Variants in YPEL4 observed in about 807,000 individuals in gnomAD.
YPEL4 encodes the protein yippee like 4, also known as protein yippee-like 4.
In YPEL4, 5 loss-of-function variants were observed where a neutral mutation model predicts 16.3. The ratio of observed to expected loss-of-function variants is 0.31; its 90% CI spans 0.16 to 0.64. The LOEUF (loss-of-function observed/expected upper bound fraction) is 0.64, where lower values mean the gene tolerates loss of function less well. Among genes scored for constraint, YPEL4 ranks in the 30% least tolerant of loss-of-function variants. The pLI is 0.79. For synonymous variants in YPEL4, 61 were observed against 60.7 expected (o/e 1.00, Z -0.02); for missense variants, 127 against 170.0 (o/e 0.75, Z 1.41).
At position 57,646,375 on chromosome 11, in the gene YPEL4, C is replaced by T. The variant is rs770165978; in HGVS notation, c.216G>A (p.Gln72=). Residue 72 remains glutamine (Q), a synonymous_variant, in exon 4 of 5, where the codon CAG becomes CAA. Transcript: ENST00000300022. ...VVNVGCGPAE[Q]RLLLTGLHSV... is the part of the protein sequence containing the mutation. ...AGTGGAGCCCCGTGAGCAAGAGGCG[C>T]TGTTCAGCTGGCCCGCAACCCACGT... The T allele has an allele frequency of 1.5e-5, 25 of 1,614,078 alleles. No individual in the cohort carries two copies. In the South Asian group the frequency reaches 2.2e-4, roughly 14 times the overall value.
At chr11:57,648,793 A>T (rs1945759719) in intron 1 of YPEL4, 1 of 152,390 alleles carries the variant, frequency 6.6e-6, no homozygotes, top group Admixed American at 6.5e-5. Context: ...GCTGCAGGAA[A>T]CGGGCCCTCC....
rs773881385 is a variant in YPEL4 at position 57,647,114 on chromosome 11, C to T, written c.-7G>A. Reference sequence around the variant, plus strand: ...CGGGGTCACAGCTGGGCATGACGGGCTGGAGGACAATGCCCTGGTGGGCTG... The same window carrying T: ...CGGGGTCACAGCTGGGCATGACGGGTTGGAGGACAATGCCCTGGTGGGCTG... On this transcript the variant is annotated 5_prime_UTR_variant, in exon 2 of 5. Coordinates refer to ENST00000300022, the MANE Select transcript of YPEL4 (RefSeq NM_145008.3). The surrounding 1 kb of genome is among the most constrained non-coding windows in gnomAD (Gnocchi z 4.2). 11 of 1,563,828 alleles carry T rather than the reference C, an allele frequency of 7.0e-6. No homozygotes were observed. The East Asian group carries it at 2.1e-4, about 29-fold the overall frequency.
At position 57,647,534 on chromosome 11, in the gene YPEL4, G is replaced by A. The variant is rs1378684083; in HGVS notation, c.-184-243C>T. 6.4e-6 allele frequency: 1 copy of A among 156,624 alleles called. No homozygotes were observed. Among genetic ancestry groups the A allele is most frequent in the Non-Finnish European group, 1.4e-5 (1 of 71,314 alleles). The allele number at this position is 156,624 out of a possible 1,614,324, so 9.7% of individuals were successfully genotyped here. On this transcript the variant is annotated intron_variant, in intron 1 of 4. Coordinates refer to ENST00000300022, the MANE Select transcript of YPEL4 (RefSeq NM_145008.3). This position sits in a 1 kb window ranked among gnomAD's most constrained non-coding sequence, Gnocchi z 4.2. ...GGAGTCGGTGTTTCTCCCTCCTGGG[G>A]CAGAAGCAGCCTCCACCATTTTCCA...
chr11:57,647,027 G>T lies in YPEL4; in HGVS notation c.81C>A (p.Arg27=). The stretch of plus-strand genomic sequence containing the variant: ...CACGGCAGTGGACACAGCTGTAAGT[G>T]CGGTGACAGCGGGGCAGATAGCTGC... ...TFRSYLPRCH[R]TYSCVHCRAH... The change falls in exon 2 of 5, where the codon CGC becomes CGA. Residue 27 remains arginine (R), a synonymous_variant. Transcript: ENST00000300022. This position sits in a 1 kb window ranked among gnomAD's most constrained non-coding sequence, Gnocchi z 4.2. 6.3e-7 allele frequency: 1 copy of T among 1,598,796 alleles called. No homozygotes were observed. Among genetic ancestry groups the T allele is most frequent in the African/African-American group, 1.3e-5 (1 of 74,634 alleles).
intron 3 of YPEL4, 39 bp downstream of exon 3, chr11:57,646,712 C>G: frequency 2.5e-6 from 4 of 1,611,650 alleles, no homozygotes; most frequent in Non-Finnish European, 2.5e-6. Flanking sequence ...CACTCACACA[C>G]AAGCACAAGC....
chr11:57,647,887 T>C lies in YPEL4; in HGVS notation c.-184-596A>G, dbSNP rs1945751677. The C allele has an allele frequency of 3.9e-5, 6 of 151,982 alleles. No homozygotes were observed. Among genetic ancestry groups the C allele is most frequent in the Admixed American group, 3.9e-4 (6 of 15,236 alleles). The allele number at this position is 151,982 out of a possible 1,614,324, so 9.4% of individuals were successfully genotyped here. A position where few individuals can be genotyped will look rare whatever the true frequency, so the allele number is the denominator to read the frequency against. On this transcript the variant is annotated intron_variant, in intron 1 of 4. Coordinates refer to ENST00000300022, the MANE Select transcript of YPEL4 (RefSeq NM_145008.3). This position sits in a 1 kb window ranked among gnomAD's most constrained non-coding sequence, Gnocchi z 4.2. ...TGCTCTGGGACTCTTCACTAGAACT[T>C]TATAGATGTTTCCAACAGTACCAAA...
chr11:57,645,913 T>C lies in YPEL4; in HGVS notation c.*68A>G, dbSNP rs1209536920. On this transcript the variant is annotated 3_prime_UTR_variant, in exon 5 of 5. Coordinates refer to ENST00000300022, the MANE Select transcript of YPEL4 (RefSeq NM_145008.3). ...GGGTGGGGCAGTACTCATGCTGGTA[T>C]AGACTGCTTGGCAGGGCCGTGGGGA... 5 of 1,536,494 alleles carry C rather than the reference T, an allele frequency of 3.3e-6. No individual in the cohort carries two copies. The highest frequency in any genetic ancestry group is 3.4e-5 in the Admixed American group (2 of 59,140).
At position 57,647,365 on chromosome 11, in the gene YPEL4, G is replaced by A; in HGVS notation, c.-184-74C>T. On this transcript the variant is annotated intron_variant, in intron 1 of 4. Coordinates refer to ENST00000300022, the MANE Select transcript of YPEL4 (RefSeq NM_145008.3). The surrounding 1 kb of genome is among the most constrained non-coding windows in gnomAD (Gnocchi z 4.2). ...CCCTCCTGAGGGAATGGAGGAAAAG[G>A]GAATCAGCTCACCCATACCTCTACT... 1 of 415,986 alleles carries A rather than the reference G, an allele frequency of 2.4e-6. No individual in the cohort carries two copies. Among genetic ancestry groups the A allele is most frequent in the South Asian group, 5.3e-5 (1 of 18,716 alleles). The allele number at this position is 415,986 out of a possible 1,614,324, so 25.8% of individuals were successfully genotyped here.
rs755026509 is a variant in YPEL4, at chr11:57,645,972, C to A, written c.*9G>T. 1 of 1,613,410 alleles carries A rather than the reference C, an allele frequency of 6.2e-7. No homozygotes were observed. Among genetic ancestry groups the A allele is most frequent in the East Asian group, 2.2e-5 (1 of 44,878 alleles). On this transcript the variant is annotated 3_prime_UTR_variant, in exon 5 of 5. Coordinates refer to ENST00000300022, the MANE Select transcript of YPEL4 (RefSeq NM_145008.3). ...CATGCGGAGGAAGGGCACACCCTGC[C>A]TGAGCCCCTCAGTCCCAGCCGTTGT...
intron 1 of YPEL4, chr11:57,649,159 T>A (rs952297224): frequency 2.0e-5 from 3 of 151,468 alleles, no homozygotes; most frequent in Non-Finnish European, 4.4e-5. Flanking sequence ...TCCCCTGAAG[T>A]GAGACGGGGC....
chr11:57,646,157 C>T, intron 4 of YPEL4, 87 bp from the exon 5 acceptor site: 1 of 1,571,194 alleles, frequency 6.4e-7, no homozygotes, highest in Non-Finnish European at 8.7e-7. Context: ...CCCCAAGGGT[C>T]ATCCACCTAG....
rs1414611045 is a variant in YPEL4 at position 57,646,373 on chromosome 11, C to T, written c.218G>A (p.Arg73His). The change falls in exon 4 of 5, where the codon CGC becomes CAC. Residue 73 changes from arginine (R) to histidine (H), a missense_variant. Transcript: ENST00000300022. ...CGAGTGGAGCCCCGTGAGCAAGAGG[C>T]GCTGTTCAGCTGGCCCGCAACCCAC... ...VNVGCGPAEQ[R>H]LLLTGLHSVA... is the part of the protein sequence containing the mutation. 2.5e-6 allele frequency: 4 copies of T among 1,614,122 alleles called. No homozygotes were observed. The highest frequency in any genetic ancestry group is 1.1e-5 in the South Asian group (1 of 91,082).
Position 57,647,477 on chromosome 11 carries a change from C to T in YPEL4, c.-184-186G>A, listed in dbSNP as rs901404331. 5.8e-6 allele frequency: 1 copy of T among 171,074 alleles called. No homozygotes were observed. The highest frequency in any genetic ancestry group is 6.3e-5 in the Admixed American group (1 of 15,778). 10.6% of individuals were successfully genotyped at this position (171,074 alleles called of 1,614,324 possible). ...CCCCATTCTGCTCTGGCAAACCTGG[C>T]AGCCGATCCAGGCTTCTGGCGCCAA... On this transcript the variant is annotated intron_variant, in intron 1 of 4. Coordinates refer to ENST00000300022, the MANE Select transcript of YPEL4 (RefSeq NM_145008.3). The surrounding 1 kb of genome is among the most constrained non-coding windows in gnomAD (Gnocchi z 4.2).
At position 57,647,102 on chromosome 11, in the gene YPEL4, G is replaced by T; in HGVS notation, c.6C>A (p.Pro2=). The change falls in exon 2 of 5, where the codon CCC becomes CCA. Residue 2 remains proline (P), a synonymous_variant. Transcript: ENST00000300022. This position sits in a 1 kb window ranked among gnomAD's most constrained non-coding sequence, Gnocchi z 4.2. M[P]SCDPGPGPAC... is the part of the protein sequence containing the mutation. ...CAGGGCCCGGACCGGGGTCACAGCTGGGCATGACGGGCTGGAGGACAATGC... is the reference window on the plus strand; with the variant it reads ...CAGGGCCCGGACCGGGGTCACAGCTTGGCATGACGGGCTGGAGGACAATGC... 1 of 1,573,404 alleles carries T rather than the reference G, an allele frequency of 6.4e-7. No individual in the cohort carries two copies. Among genetic ancestry groups the T allele is most frequent in the East Asian group, 2.3e-5 (1 of 43,836 alleles).
chr11:57,647,005 G>A lies in YPEL4; in HGVS notation c.103C>T (p.Arg35Cys), dbSNP rs376976563. 4 of 1,593,082 alleles carry A rather than the reference G, an allele frequency of 2.5e-6. No individual in the cohort carries two copies. Among genetic ancestry groups the A allele is most frequent in the South Asian group, 2.3e-5 (2 of 88,412 alleles). Reference protein sequence around the residue: ...CHRTYSCVHCRAHLAKHDELI... With the variant: ...CHRTYSCVHCCAHLAKHDELI... Reference sequence around the variant, plus strand: ...TCATCGTGTTTGGCCAGGTGTGCACGGCAGTGGACACAGCTGTAAGTGCGG... The same window carrying A: ...TCATCGTGTTTGGCCAGGTGTGCACAGCAGTGGACACAGCTGTAAGTGCGG... Residue 35 changes from arginine to cysteine, a missense_variant, in exon 2 of 5, where the codon CGT becomes TGT. Transcript: ENST00000300022. The surrounding 1 kb of genome is among the most constrained non-coding windows in gnomAD (Gnocchi z 4.2).
chr11:57,645,798 G>C lies in YPEL4; in HGVS notation c.*183C>G, dbSNP rs939519856. The C allele has an allele frequency of 3.3e-6, 2 of 614,880 alleles. No individual in the cohort carries two copies. Among genetic ancestry groups the C allele is most frequent in the South Asian group, 4.0e-5 (2 of 50,574 alleles). 38.1% of individuals were successfully genotyped at this position (614,880 alleles called of 1,614,324 possible). On this transcript the variant is annotated 3_prime_UTR_variant, in exon 5 of 5. Transcript: ENST00000300022. The stretch of plus-strand genomic sequence containing the variant: ...CCACTCCTGAGCCTTAACACCCCTG[G>C]GGTACCCCCAGACCCCTGTTCTAAA...
intron 2 of YPEL4, 35 bp from the exon 3 acceptor site, chr11:57,646,829 C>T (rs1404727974): frequency 6.2e-7 from 1 of 1,612,650 alleles, no homozygotes; most frequent in African/African-American, 1.3e-5. Context: ...GACTACCAAG[C>T]AGCCTTCAGC....
rs775989442 is a variant in YPEL4, at chr11:57,646,053, C to G, written c.312G>C (p.Thr104=). The G allele has an allele frequency of 5.0e-6, 8 of 1,614,028 alleles. No homozygotes were observed. Among genetic ancestry groups the G allele is most frequent in the East Asian group, 4.5e-5 (2 of 44,898 alleles). ...LGWKYEQAFE[T]SQKYKEGKYI... is the part of the protein sequence containing the mutation. ...ATTTCCCTTCCTTGTACTTCTGGCTCGTCTCAAAAGCTTGCTCCTGGTGAA... is the reference window on the plus strand; with the variant it reads ...ATTTCCCTTCCTTGTACTTCTGGCTGGTCTCAAAAGCTTGCTCCTGGTGAA... The change falls in exon 5 of 5, where the codon ACG becomes ACC. Residue 104 remains threonine, a synonymous_variant. Transcript: ENST00000300022.
rs1412971245 is a variant in YPEL4, at chr11:57,647,016, C to T, written c.92G>A (p.Cys31Tyr). 1 of 1,598,418 alleles carries T rather than the reference C, an allele frequency of 6.3e-7. No individual in the cohort carries two copies. The highest frequency in any genetic ancestry group is 1.8e-5 in the Admixed American group (1 of 55,796). The change falls in exon 2 of 5, where the codon TGT (cysteine) becomes TAT (tyrosine). Residue 31 changes from cysteine (C) to tyrosine (Y), a missense_variant. Physicochemically the swap from Cys to Tyr is radical, Grantham distance 194. Transcript: ENST00000300022. This position sits in a 1 kb window ranked among gnomAD's most constrained non-coding sequence, Gnocchi z 4.2. ...YLPRCHRTYS[C>Y]VHCRAHLAKH... ...GGCCAGGTGTGCACGGCAGTGGACACAGCTGTAAGTGCGGTGACAGCGGGG... is the reference window on the plus strand; with the variant it reads ...GGCCAGGTGTGCACGGCAGTGGACATAGCTGTAAGTGCGGTGACAGCGGGG...
Sources: gnomAD v4.1 joint callset for allele counts on GRCh38, gnomAD v4.1.1 for gene constraint, Gnocchi (gnomAD v3.1) non-coding constraint, MANE v1.5 for transcripts, NCBI Gene and HGNC (gene_info 2026-07-23, HGNC 2026-07-21) for gene names.